The following ABCA4 variants were observed in gnomAD, a reference collection of about 807,000 sequenced individuals.
ABCA4 encodes the protein ATP binding cassette subfamily A member 4, also known as retinal-specific phospholipid-transporting ATPase ABCA4.
A neutral mutation model predicts 263.7 loss-of-function variants in ABCA4; 196 were observed. The observed-to-expected ratio is 0.74, with a 90% confidence interval of 0.66 to 0.84. The LOEUF (loss-of-function observed/expected upper bound fraction) is 0.84, where lower values mean the gene tolerates loss of function less well. Among genes scored for constraint, ABCA4 ranks in the 40% least tolerant of loss-of-function variants. The pLI, the probability that ABCA4 is intolerant of heterozygous loss-of-function variation, is 0.00. For missense variants in ABCA4, 2,792 were observed against 2,855.1 expected, an observed-to-expected ratio of 0.98 and a Z score of 0.50; for synonymous variants, 1,133 against 1,094.2, an observed-to-expected ratio of 1.04 and a Z score of -0.70.
intron 17 of ABCA4, among the ~76,000 whole-genome samples, chr1:94,050,959 C>G (rs1333806657): frequency 6.6e-6 from 1 of 152,204 alleles, no homozygotes; most frequent in Non-Finnish European, 1.5e-5. Context: ...CCTGGAATTT[C>G]TTTGCTTTCT....
intron 7 of ABCA4, among the ~76,000 whole-genome samples, chr1:94,080,998 G>A (rs1661683415): frequency 6.6e-6 from 1 of 152,166 alleles, no homozygotes; most frequent in Non-Finnish European, 1.5e-5. Context: ...GCCGAGGCGG[G>A]CGGATCACGA....
intron 19 of ABCA4, among the ~76,000 whole-genome samples, chr1:94,046,455 C>CAAAAAAAAAAAA (rs61333901): frequency 2.1e-4 from 9 of 42,214 alleles, no homozygotes; most frequent in African/African-American, 3.9e-4. Flanking sequence ...GTTACTATCT[C>CAAAAAAAAAAAA]AAAAAAAAAA....
intron 37 of ABCA4, among the ~76,000 whole-genome samples, chr1:94,015,451 C>A (rs1659704954): frequency 1.3e-5 from 2 of 152,208 alleles, no homozygotes; most frequent in African/African-American, 4.8e-5. Flanking sequence ...AATGGCTGCC[C>A]CCAGGCTTTG....
chr1:94,104,323 G>T (rs563273801), intron 4 of ABCA4, among the ~76,000 whole-genome samples: 1 of 152,298 alleles, frequency 6.6e-6, no homozygotes, highest in East Asian at 1.9e-4. Context: ...TCAGGGGCAT[G>T]GGTGACTGTT....
chr1:94,060,915 T>C (rs1661106787), intron 13 of ABCA4, among the ~76,000 whole-genome samples, 156 bp from the exon 14 acceptor site: 1 of 152,208 alleles, frequency 6.6e-6, no homozygotes, highest in Admixed American at 6.5e-5. Flanking sequence ...CTGGAATCTT[T>C]TAACACATTC....
chr1:94,094,736 A>G (rs376123535), intron 6 of ABCA4, among the ~76,000 whole-genome samples: 3 of 152,192 alleles, frequency 2.0e-5, no homozygotes, highest in Non-Finnish European at 1.5e-5. Context: ...GTTGGAGAGA[A>G]AACAGGAAGG....
intron 9 of ABCA4, 139 bp from the exon 10 acceptor site, chr1:94,078,845 A>T: frequency 1.3e-6 from 1 of 747,518 alleles, no homozygotes; most frequent in Non-Finnish European, 2.4e-6. Flanking sequence ...TTCTCAGTCT[A>T]TTGCTATTTC....
At chr1:94,026,982 T>G (rs1660056731) in intron 30 of ABCA4, among the ~76,000 whole-genome samples, 3 of 147,418 alleles carry the variant, frequency 2.0e-5, no homozygotes, top group Admixed American at 6.7e-5. Context: ...GAGAAAGAGA[T>G]TGAGAGAAAG....
At position 94,080,686 on chromosome 1, in the gene ABCA4, C is replaced by T. The variant is rs946777080; in HGVS notation, c.891G>A (p.Leu297=). Reference sequence around the variant, plus strand: ...TCTGCATGAGGGGCCTGGTCACCCACAGCAAGTCCTGCATACTCGGCCGAT... The same window carrying T: ...TCTGCATGAGGGGCCTGGTCACCCATAGCAAGTCCTGCATACTCGGCCGAT... ...FIHRPSMQDL[L]WVTRPLMQNG... is the part of the protein sequence containing the mutation. The change falls in exon 8 of 50, where the codon CTG becomes CTA. Residue 297 remains leucine, a synonymous_variant. Coordinates refer to ENST00000370225, the MANE Select transcript of ABCA4 (RefSeq NM_000350.3). 6.2e-7 allele frequency: 1 copy of T among 1,614,166 alleles called. No homozygotes were observed. The highest frequency in any genetic ancestry group is 1.3e-5 in the African/African-American group (1 of 75,030).
rs199618246 is a variant in ABCA4, at chr1:94,063,081, G to A, written c.1760+31C>T. On this transcript the variant is annotated intron_variant, in intron 12 of 49. Coordinates refer to ENST00000370225, the MANE Select transcript of ABCA4 (RefSeq NM_000350.3). ...AATGTAATTTCCCACTGACTTTGGA[G>A]AAATGCAGCGAGCCCTTCCTGAAAC... 1.4e-5 allele frequency: 22 copies of A among 1,587,110 alleles called. 1 individual carries two copies. The East Asian group carries it at 4.9e-4, about 35-fold the overall frequency.
rs760573590 is a variant in ABCA4 at position 93,997,992 on chromosome 1, C to T, written c.6598G>A (p.Glu2200Lys). The T allele has an allele frequency of 2.5e-6, 4 of 1,614,036 alleles. No individual in the cohort carries two copies. Among genetic ancestry groups the T allele is most frequent in the African/African-American group, 2.7e-5 (2 of 74,914 alleles). Residue 2200 changes from glutamate to lysine, a missense_variant, in exon 48 of 50, where the codon GAG becomes AAG. Transcript: ENST00000370225. ...QGNFPGSVQR[E>K]RHYNMLQFQV... ...AACTGGAGCATGTTGTAGTGCCTCTCCCTCTGCACACTGCCTGGGAAGTTC... is the reference window on the plus strand; with the variant it reads ...AACTGGAGCATGTTGTAGTGCCTCTTCCTCTGCACACTGCCTGGGAAGTTC...
intron 36 of ABCA4, among the ~76,000 whole-genome samples, chr1:94,019,213 G>A (rs532185539): frequency 1.3e-5 from 2 of 151,932 alleles, no homozygotes; most frequent in African/African-American, 4.8e-5. Flanking sequence ...TTGAGAAGGG[G>A]ACTTGGGGTG....
chr1:94,019,484 G>T, intron 36 of ABCA4, 98 bp downstream of exon 36: 1 of 1,389,732 alleles, frequency 7.2e-7, no homozygotes, highest in Non-Finnish European at 9.8e-7. Context: ...CCCTGGCACC[G>T]TGAGAACCCC....
At chr1:94,064,353 G>T (rs1397884932) in intron 11 of ABCA4, among the ~76,000 whole-genome samples, 1 of 152,252 alleles carries the variant, frequency 6.6e-6, no homozygotes. Flanking sequence ...GTGTATTGGG[G>T]AAGCCCAGCG....
At position 94,010,949 on chromosome 1, in the gene ABCA4, G is replaced by C; in HGVS notation, c.5585-20C>G. 1.9e-6 allele frequency: 3 copies of C among 1,613,996 alleles called. No individual in the cohort carries two copies. The highest frequency in any genetic ancestry group is 2.5e-6 in the Non-Finnish European group (3 of 1,179,950). ...CCTCACCTGGGCATCAACAGGAATT[G>C]AGTCCACTTCAGCCGCCCCAGCTCA... On this transcript the variant is annotated intron_variant, in intron 39 of 49. Transcript: ENST00000370225.
At chr1:94,067,901 A>T (rs1206760234) in intron 11 of ABCA4, among the ~76,000 whole-genome samples, 2 of 152,222 alleles carry the variant, frequency 1.3e-5, no homozygotes, top group Non-Finnish European at 2.9e-5. Flanking sequence ...GTTTTTAACC[A>T]CTATGGTATA....
At chr1:94,056,875 C>T (rs995487865) in intron 14 of ABCA4, 53 bp from the exon 15 acceptor site, 133 of 1,436,474 alleles carry the variant, frequency 9.3e-5, no homozygotes, top group Non-Finnish European at 1.2e-4. Flanking sequence ...CGGACGCCTT[C>T]TCATTCTGCC....
Position 94,044,625 on chromosome 1 carries a change from ATGT to A in ABCA4, c.3035_3037del (p.Asn1012del), listed in dbSNP as rs768352839. The A allele has an allele frequency of 1.2e-6, 2 of 1,614,146 alleles. No homozygotes were observed. The highest frequency in any genetic ancestry group is 2.2e-5 in the East Asian group (1 of 44,876). On this transcript the variant is annotated inframe_deletion, in exon 20 of 50. Transcript: ENST00000370225. ...CTGTGTCGCTTACTGGTGGAACAGGATGTTGTGCTGTGGACACATGCCAAGGCT... is the reference window on the plus strand; with the variant it reads ...CTGTGTCGCTTACTGGTGGAACAGGATGTGCTGTGGACACATGCCAAGGCT...
intron 27 of ABCA4, 97 bp from the exon 28 acceptor site, chr1:94,031,217 G>T (rs1476078263): frequency 6.6e-7 from 1 of 1,510,600 alleles, no homozygotes. Context: ...CATTTATCCT[G>T]CAGCCTCCTA....
Sources: allele counts gnomAD v4.1 joint callset (sites outside exome capture counted in the v4.1 genomes callset), GRCh38; gene constraint gnomAD v4.1.1; transcripts MANE v1.5; gene names NCBI Gene and HGNC (gene_info 2026-07-23, HGNC 2026-07-21).